The following DPYD variants were observed in gnomAD, a reference collection of about 807,000 sequenced individuals.
DPYD encodes the protein dihydropyrimidine dehydrogenase [NADP(+)].
Under a neutral mutation model 116.2 loss-of-function variants are expected in DPYD, and 109 were observed. The observed-to-expected ratio is 0.94, with a 90% CI of 0.80 to 1.10. DPYD has a LOEUF of 1.10. Among genes scored for constraint, DPYD ranks in the 50% least tolerant of loss-of-function variants. The pLI is 0.00. For missense variants in DPYD, 1,302 were observed against 1,254.5 expected (o/e 1.04, Z -0.57); for synonymous variants, 440 against 432.0 (o/e 1.02, Z -0.23).
intron 3 of DPYD, among the ~76,000 whole-genome samples, chr1:97,747,150 GAAGT>G (rs1664603622): frequency 6.6e-6 from 1 of 151,902 alleles, no homozygotes; most frequent in South Asian, 2.1e-4. Flanking sequence ...ACAACTATTA[GAAGT>G]AATTAAATAT....
Position 97,579,228 on chromosome 1 carries a change from C to T in DPYD, c.1129-5258G>A, listed in dbSNP as rs1557812794. Among the ~76,000 whole-genome samples the T allele has an allele frequency of 2.0e-5, 3 of 152,284 alleles. No homozygotes were observed. In the East Asian group the frequency reaches 5.8e-4, roughly 29 times the overall value. ...CAGGGCATCAAGACTGGTCACAGCC[C>T]TACCTGTGTCTATCAAAATGATTGG... On this transcript the variant is annotated intron_variant, in intron 10 of 22. Transcript: ENST00000370192.
intron 14 of DPYD, among the ~76,000 whole-genome samples, chr1:97,400,410 CT>C (rs1673302316): frequency 1.3e-5 from 2 of 152,040 alleles, no homozygotes. Flanking sequence ...CTAAAATTAT[CT>C]TTTTCTGTTG....
intron 14 of DPYD, among the ~76,000 whole-genome samples, chr1:97,426,614 G>A (rs1674879402): frequency 6.6e-6 from 1 of 152,004 alleles, no homozygotes; most frequent in Admixed American, 6.6e-5. Flanking sequence ...ATAGAGGAGT[G>A]GCTCTATAGT....
At chr1:97,215,345 T>C (rs1030014791) in intron 19 of DPYD, among the ~76,000 whole-genome samples, 1 of 152,236 alleles carries the variant, frequency 6.6e-6, no homozygotes, top group Non-Finnish European at 1.5e-5. Flanking sequence ...GAGTTCTCAG[T>C]GACTTCCTGT....
chr1:97,353,697 G>C (rs1670267487), intron 16 of DPYD, among the ~76,000 whole-genome samples: 2 of 142,856 alleles, frequency 1.4e-5, no homozygotes, highest in African/African-American at 2.6e-5. Context: ...AAACTTAAAA[G>C]TCTCAAAAAA....
chr1:97,392,078 T>C (rs921853590), intron 14 of DPYD, among the ~76,000 whole-genome samples: 2 of 152,014 alleles, frequency 1.3e-5, no homozygotes, highest in African/African-American at 4.8e-5. Context: ...ACTTGGCCAA[T>C]TATGAAATCA....
At chr1:97,287,532 G>A (rs1192277982) in intron 18 of DPYD, among the ~76,000 whole-genome samples, 1 of 152,186 alleles carries the variant, frequency 6.6e-6, no homozygotes, top group Non-Finnish European at 1.5e-5. Context: ...GCCCCCAGAG[G>A]TGGAGCCTAC....
At chr1:97,659,056 A>T (rs1023847166) in intron 8 of DPYD, among the ~76,000 whole-genome samples, 6 of 152,106 alleles carry the variant, frequency 3.9e-5, no homozygotes, top group African/African-American at 1.2e-4. Context: ...GACCCAATAC[A>T]CATCCTCACA....
intron 20 of DPYD, among the ~76,000 whole-genome samples, chr1:97,159,476 G>A (rs1655728111): frequency 6.6e-6 from 1 of 151,840 alleles, no homozygotes; most frequent in African/African-American, 2.4e-5. Flanking sequence ...TGGAGTCTCA[G>A]AAAAGAGGAA....
At chr1:97,207,688 A>G (rs1659736176) in intron 19 of DPYD, among the ~76,000 whole-genome samples, 1 of 152,144 alleles carries the variant, frequency 6.6e-6, no homozygotes, top group Non-Finnish European at 1.5e-5. Flanking sequence ...TATTAAAGCA[A>G]TCTGGATTCT....
chr1:97,904,989 A>G (rs1057502265), intron 1 of DPYD, among the ~76,000 whole-genome samples: 1 of 152,018 alleles, frequency 6.6e-6, no homozygotes, highest in African/African-American at 2.4e-5. Context: ...AGGAAAGTTG[A>G]CTTACACAAT....
chr1:97,569,491 A>C (rs1416104359), intron 11 of DPYD, among the ~76,000 whole-genome samples: 1 of 149,720 alleles, frequency 6.7e-6, no homozygotes, highest in Non-Finnish European at 1.5e-5. Flanking sequence ...ACATATTTTA[A>C]ATAAACGTTT....
chr1:97,559,798 CA>C (rs1425742532), intron 11 of DPYD, among the ~76,000 whole-genome samples: 9 of 151,990 alleles, frequency 5.9e-5, no homozygotes, highest in Admixed American at 3.9e-4. Flanking sequence ...ATCATGCACT[CA>C]AAAAATATCA....
At chr1:97,491,653 C>T (rs1678982642) in intron 13 of DPYD, among the ~76,000 whole-genome samples, 1 of 151,920 alleles carries the variant, frequency 6.6e-6, no homozygotes, top group African/African-American at 2.4e-5. Context: ...TTCTCTGGGC[C>T]TCAGTTTTAT....
intron 20 of DPYD, among the ~76,000 whole-genome samples, chr1:97,146,452 C>T (rs1654640662): frequency 6.6e-6 from 1 of 152,156 alleles, no homozygotes; most frequent in Non-Finnish European, 1.5e-5. Flanking sequence ...AAAGGAAGCA[C>T]ACCATGTCCA....
intron 21 of DPYD, among the ~76,000 whole-genome samples, chr1:97,090,064 C>T (rs924719385): frequency 6.6e-6 from 1 of 152,086 alleles, no homozygotes; most frequent in South Asian, 2.1e-4. Context: ...TATTGCTTCT[C>T]AGTTCTGTGC....
At chr1:97,551,234 A>G (rs928983599) in intron 11 of DPYD, among the ~76,000 whole-genome samples, 23 of 152,290 alleles carry the variant, frequency 1.5e-4, no homozygotes, top group Admixed American at 9.2e-4. Flanking sequence ...TTATTTTCAA[A>G]GCAGAAAGGC....
intron 8 of DPYD, among the ~76,000 whole-genome samples, chr1:97,603,959 G>A (rs890415392): frequency 6.6e-6 from 1 of 152,146 alleles, no homozygotes; most frequent in Non-Finnish European, 1.5e-5. Flanking sequence ...GGATTAAAAC[G>A]GAAATGAAAG....
At chr1:97,682,019 G>T (rs1463558846) in intron 7 of DPYD, among the ~76,000 whole-genome samples, 1 of 152,102 alleles carries the variant, frequency 6.6e-6, no homozygotes, top group Non-Finnish European at 1.5e-5. Context: ...AGGCACAATA[G>T]TTTAGTTTAA....
Sources: gnomAD v4.1 joint callset for allele counts (sites outside exome capture counted in the v4.1 genomes callset) on GRCh38, gnomAD v4.1.1 for gene constraint, MANE v1.5 for transcripts, NCBI Gene and HGNC (gene_info 2026-07-23, HGNC 2026-07-21) for gene names.